CBLN2: variants seen among roughly 807,000 people sequenced by gnomAD.
CBLN2 encodes the protein cerebellin-2.
CBLN2 carries 7 observed loss-of-function variants against 15.0 expected under a neutral mutation model. The ratio of observed to expected loss-of-function variants is 0.47; its 90% confidence interval spans 0.27 to 0.88. The LOEUF (loss-of-function observed/expected upper bound fraction) is 0.88, where lower values mean the gene tolerates loss of function less well. Among genes scored for constraint, CBLN2 ranks in the 40% least tolerant of loss-of-function variants. The probability of loss-of-function intolerance (pLI) is 0.14; values close to 1 mark genes in which losing one functional copy is unlikely to be tolerated. For synonymous variants in CBLN2, 149 were observed against 135.2 expected, an observed-to-expected ratio of 1.10 and a Z score of -0.71; for missense variants, 242 against 304.5, an observed-to-expected ratio of 0.79 and a Z score of 1.53.
intron 1 of CBLN2, among the ~76,000 whole-genome samples, chr18:72,626,357 T>C (rs2069739340): frequency 6.6e-6 from 1 of 152,126 alleles, no homozygotes; most frequent in Non-Finnish European, 1.5e-5. Context: ...CAGGTTAGTT[T>C]GGAGTTCTTT....
At chr18:72,550,517 G>A (rs1285510733) in intron 1 of CBLN2, among the ~76,000 whole-genome samples, 1 of 152,092 alleles carries the variant, frequency 6.6e-6, no homozygotes. Flanking sequence ...GGAGAAGATG[G>A]GCTACGGAGG....
At chr18:72,629,147 T>G (rs751097357) in intron 1 of CBLN2, among the ~76,000 whole-genome samples, 32 of 152,266 alleles carry the variant, frequency 2.1e-4, no homozygotes, top group Non-Finnish European at 3.2e-4. Context: ...CAGGTAGAAA[T>G]TTAAAGAGTC....
At chr18:72,584,847 A>T (rs2069431766) in intron 1 of CBLN2, among the ~76,000 whole-genome samples, 1 of 152,186 alleles carries the variant, frequency 6.6e-6, no homozygotes, top group African/African-American at 2.4e-5. Flanking sequence ...CCGAGTTTTG[A>T]TAAGGCCCAC....
chr18:72,591,459 G>T (rs569827773), intron 1 of CBLN2, among the ~76,000 whole-genome samples: 177 of 152,056 alleles, frequency 1.2e-3, no homozygotes, highest in African/African-American at 4.0e-3. Flanking sequence ...TGTAAATAAG[G>T]TATCCATTAC....
intron 1 of CBLN2, among the ~76,000 whole-genome samples, chr18:72,585,524 G>T (rs888842328): frequency 2.0e-5 from 3 of 152,094 alleles, no homozygotes; most frequent in Non-Finnish European, 4.4e-5. Context: ...TCTGAGTGTG[G>T]CTGAGTCCGG....
rs552480353 is a variant in CBLN2 at position 72,584,182 on chromosome 18, C to T, written c.16-45410G>A. Reference sequence around the variant, plus strand: ...TCACAGTTGCTGCTTGATTCTCATTCAGGTCTCAGTTCAAAAGCCTTCTCC... The same window carrying T: ...TCACAGTTGCTGCTTGATTCTCATTTAGGTCTCAGTTCAAAAGCCTTCTCC... On this transcript the variant is annotated intron_variant, in intron 1 of 2. Coordinates refer to the CBLN2 transcript ENST00000581073. 1.5e-4 allele frequency among the ~76,000 whole-genome samples: 23 copies of T among 152,240 alleles called. No homozygotes were observed. In the South Asian group the frequency reaches 4.8e-3, roughly 32 times the overall value.
At chr18:72,538,552 G>T in intron 4 of CBLN2, 101 bp downstream of exon 4, 2 of 1,526,050 alleles carry the variant, frequency 1.3e-6, no homozygotes, top group Non-Finnish European at 1.8e-6. Flanking sequence ...GGACAGACCA[G>T]TACCCTGTCT....
At chr18:72,575,195 G>A (rs1410992213) in intron 1 of CBLN2, among the ~76,000 whole-genome samples, 1 of 152,166 alleles carries the variant, frequency 6.6e-6, no homozygotes, top group Admixed American at 6.5e-5. Flanking sequence ...TGCAGGTGCT[G>A]AGACAATGGA....
In CBLN2 at chr18:72,543,617, G is replaced by A. The variant is rs1311262781; in HGVS notation, c.-211-87C>T. ...CTCCCAGCGCGTGGCCAATAACCGC[G>A]CCGCCCCGCCCTGCCGCTTTCCCGC... On this transcript the variant is annotated intron_variant, in intron 1 of 4. Transcript: ENST00000269503. This position sits in a 1 kb window ranked among gnomAD's most constrained non-coding sequence, Gnocchi z 6.8. The A allele has an allele frequency of 1.0e-5, 4 of 390,502 alleles. No homozygotes were observed. The Middle Eastern group carries it at 1.9e-3, about 186-fold the overall frequency. 24.2% of individuals were successfully genotyped at this position (390,502 alleles called of 1,614,324 possible).
intron 1 of CBLN2, among the ~76,000 whole-genome samples, chr18:72,605,770 A>G (rs1394066283): frequency 6.6e-6 from 1 of 152,258 alleles, no homozygotes; most frequent in Non-Finnish European, 1.5e-5. Flanking sequence ...TACTAAGAAA[A>G]TAAAAAAACA....
chr18:72,602,838 C>A (rs2069557856), intron 1 of CBLN2, among the ~76,000 whole-genome samples: 1 of 152,168 alleles, frequency 6.6e-6, no homozygotes, highest in Admixed American at 6.5e-5. Flanking sequence ...TCTTGCCTAG[C>A]CAGCTTCCTA....
intron 1 of CBLN2, among the ~76,000 whole-genome samples, chr18:72,608,864 G>A (rs1244538513): frequency 6.6e-6 from 1 of 152,202 alleles, no homozygotes; most frequent in African/African-American, 2.4e-5. Flanking sequence ...GAAGGTGAAT[G>A]AGGAGCAAAG....
intron 1 of CBLN2, among the ~76,000 whole-genome samples, chr18:72,564,899 A>T (rs763411235): frequency 1.2e-4 from 19 of 152,218 alleles, no homozygotes; most frequent in Non-Finnish European, 2.1e-4. Flanking sequence ...CTCTAAAAGC[A>T]GCAAAAGAAA....
At position 72,570,607 on chromosome 18, in the gene CBLN2, T is replaced by C. The variant is rs140324710; in HGVS notation, c.16-31835A>G. 2.8e-3 allele frequency among the ~76,000 whole-genome samples: 420 copies of C among 152,098 alleles called. 2 individuals are homozygous for C. Among genetic ancestry groups the C allele is most frequent in the African/African-American group, 8.8e-3 (364 of 41,498 alleles). On this transcript the variant is annotated intron_variant, in intron 1 of 2. Transcript: ENST00000581073. ...CTTATCTAACACATGCATTTTTTTT[T>C]CCATAAAGCACCTCACAGCCTTCTT...
chr18:72,559,461 T>C (rs2069246574), intron 1 of CBLN2, among the ~76,000 whole-genome samples: 1 of 152,240 alleles, frequency 6.6e-6, no homozygotes. Context: ...GATTTGACTC[T>C]GTTGGTGAGT....
rs142407220 is a variant in CBLN2 at position 72,619,764 on chromosome 18, C to T, written c.15+18561G>A. ...TTACTTTTAAAATATGTTTGTTGTC[C>T]CTAGGTTAAATAGATAACCAATTAT... On this transcript the variant is annotated intron_variant, in intron 1 of 2. Coordinates refer to the CBLN2 transcript ENST00000581073. 1.7e-3 allele frequency among the ~76,000 whole-genome samples: 254 copies of T among 152,160 alleles called. 5 individuals carry two copies. In the East Asian group the frequency reaches 0.042, roughly 25 times the overall value.
At chr18:72,581,076 A>T (rs889720844) in intron 1 of CBLN2, among the ~76,000 whole-genome samples, 1 of 152,168 alleles carries the variant, frequency 6.6e-6, no homozygotes, top group African/African-American at 2.4e-5. Flanking sequence ...TTTATCAAGA[A>T]TCCCCCTACC....
intron 1 of CBLN2, among the ~76,000 whole-genome samples, chr18:72,589,295 A>C (rs1021980827): frequency 2.6e-5 from 4 of 152,330 alleles, no homozygotes; most frequent in African/African-American, 9.6e-5. Context: ...TCCTAAGTTG[A>C]CTGACAGGAG....
intron 1 of CBLN2, among the ~76,000 whole-genome samples, chr18:72,612,303 T>C (rs1359037488): frequency 6.6e-6 from 1 of 152,230 alleles, no homozygotes; most frequent in African/African-American, 2.4e-5. Flanking sequence ...GTAGGAATAA[T>C]GTTGAATCTG....
Sources: gnomAD v4.1 joint callset for allele counts (sites outside exome capture counted in the v4.1 genomes callset) on GRCh38, gnomAD v4.1.1 for gene constraint, Gnocchi (gnomAD v3.1) non-coding constraint, MANE v1.5 for transcripts, NCBI Gene and HGNC (gene_info 2026-07-23, HGNC 2026-07-21) for gene names.